Variants in BCL9L observed in about 807,000 individuals in gnomAD.
BCL9L encodes the protein B-cell CLL/lymphoma 9-like protein.
A neutral mutation model predicts 99.4 loss-of-function variants in BCL9L; 19 were observed. The observed-to-expected ratio is 0.19, with a 90% CI of 0.13 to 0.28. The LOEUF (loss-of-function observed/expected upper bound fraction) is 0.28. BCL9L is among the 10% of genes least tolerant of loss of function. The probability of loss-of-function intolerance (pLI) is 1.00; values close to 1 mark genes in which losing one functional copy is unlikely to be tolerated. For missense variants in BCL9L, 2,023 were observed against 2,101.6 expected (o/e 0.96, Z 0.73); for synonymous variants, 900 against 854.8 (o/e 1.05, Z -0.92).
rs1399337011 is a variant in BCL9L at position 118,922,707 on chromosome 11, G to T, written c.-131+2531C>A. 6.6e-6 allele frequency among the ~76,000 whole-genome samples: 1 copy of T among 152,100 alleles called. No individual in the cohort carries two copies. Among genetic ancestry groups the T allele is most frequent in the Non-Finnish European group, 1.5e-5 (1 of 67,998 alleles). On this transcript the variant is annotated intron_variant, in intron 1 of 9. Transcript: ENST00000683865. This position sits in a 1 kb window ranked among gnomAD's most constrained non-coding sequence, Gnocchi z 6.2. Reference sequence around the variant, plus strand: ...CCTTCTGCCCCCTCCCCCCATCGGAGGTCAGCACCCGGGCAGTGCCCAGGG... The same window carrying T: ...CCTTCTGCCCCCTCCCCCCATCGGATGTCAGCACCCGGGCAGTGCCCAGGG...
Position 118,902,224 on chromosome 11 carries a change from T to C in BCL9L, c.1519A>G (p.Arg507Gly). 1 of 1,613,288 alleles carries C rather than the reference T, an allele frequency of 6.2e-7. No individual in the cohort carries two copies. Among genetic ancestry groups the C allele is most frequent in the Non-Finnish European group, 8.5e-7 (1 of 1,179,488 alleles). Residue 507 changes from arginine (R) to glycine (G), a missense_variant, in exon 8 of 10, where the codon AGG becomes GGG. This residue lies in a region of BCL9L where 1,116 missense variants were observed against 1,194.6 expected (regional missense o/e 0.93). Coordinates refer to ENST00000683865, the MANE Select transcript of BCL9L (RefSeq NM_001378213.1). The surrounding 1 kb of genome is among the most constrained non-coding windows in gnomAD (Gnocchi z 7.8). ...GGCGTGAGGCTGTCCTGGCCCAGCCTCTGTATCATCATGTTCATCTGCTGC... is the reference window on the plus strand; with the variant it reads ...GGCGTGAGGCTGTCCTGGCCCAGCCCCTGTATCATCATGTTCATCTGCTGC... ...MGQQMNMMIQRLGQDSLTPEQ... is the reference protein window; with the variant it reads ...MGQQMNMMIQGLGQDSLTPEQ...
chr11:118,900,767 G>A lies in BCL9L; in HGVS notation c.2976C>T (p.Pro992=). 1.2e-6 allele frequency: 2 copies of A among 1,613,846 alleles called. No homozygotes were observed. Among genetic ancestry groups the A allele is most frequent in the Non-Finnish European group, 8.5e-7 (1 of 1,179,920 alleles). Residue 992 remains proline, a synonymous_variant, in exon 8 of 10, where the codon CCC becomes CCT. Transcript: ENST00000683865. The surrounding 1 kb of genome is among the most constrained non-coding windows in gnomAD (Gnocchi z 5.3). ...CCATGGAAGGAGACTTGAGCCTGCT[G>A]GGCGAGCCAGTGGGTGAACGGACAC... ...SLSVRSPTGS[P]SRLKSPSMAV...
rs1940184728 is a variant in BCL9L, at chr11:118,900,724, A to G, written c.3019T>C (p.Trp1007Arg). 6.2e-7 allele frequency: 1 copy of G among 1,613,916 alleles called. No individual in the cohort carries two copies. ...ATGGCCGTCTTAGGTGAGGCAACCC[A>G]GCCTGGAGAAGGCACCGCCATGGAA... ...SPSMAVPSPG[W>R]VASPKTAMPS... The change falls in exon 8 of 10, where the codon TGG becomes CGG. Residue 1007 changes from tryptophan (W) to arginine (R), a missense_variant. Coordinates refer to ENST00000683865, the MANE Select transcript of BCL9L (RefSeq NM_001378213.1). The surrounding 1 kb of genome is among the most constrained non-coding windows in gnomAD (Gnocchi z 5.3).
chr11:118,907,143 C>T (rs920905841), intron 5 of BCL9L, among the ~76,000 whole-genome samples: 7 of 152,144 alleles, frequency 4.6e-5, no homozygotes, highest in Non-Finnish European at 8.8e-5. Context: ...GCCAACTGCC[C>T]GGCTCCCAGT....
At chr11:118,918,529 G>A (rs1941042673) in intron 2 of BCL9L, among the ~76,000 whole-genome samples, 2 of 152,038 alleles carry the variant, frequency 1.3e-5, no homozygotes, top group South Asian at 4.1e-4. Flanking sequence ...GAGATCCGCT[G>A]AGATAGAGAA....
At chr11:118,915,099 A>C (rs1940924996) in intron 2 of BCL9L, among the ~76,000 whole-genome samples, 1 of 151,948 alleles carries the variant, frequency 6.6e-6, no homozygotes. Context: ...GCACCACTGC[A>C]CTCCAGCCTG....
At chr11:118,912,511 G>C (rs374685953) in intron 2 of BCL9L, among the ~76,000 whole-genome samples, 1 of 152,316 alleles carries the variant, frequency 6.6e-6, no homozygotes, top group South Asian at 2.1e-4. Flanking sequence ...CGCGAGGGTA[G>C]GAGCTAGCAG....
At chr11:118,913,923 G>C (rs1940886200) in intron 2 of BCL9L, among the ~76,000 whole-genome samples, 2 of 152,178 alleles carry the variant, frequency 1.3e-5, no homozygotes, top group African/African-American at 4.8e-5. Context: ...TCACAGGAAG[G>C]AAAGGAGCTC....
Position 118,903,316 on chromosome 11 carries a change from C to T in BCL9L, c.669G>A (p.Gly223=). 6.3e-7 allele frequency: 1 copy of T among 1,582,998 alleles called. No individual in the cohort carries two copies. Among genetic ancestry groups the T allele is most frequent in the Non-Finnish European group, 8.6e-7 (1 of 1,165,918 alleles). ...GGACGCCCCCGCCCCCGCCCCCGCC[C>T]CCAGGGGCATCAGGCCGAAGGCCAG... ...PPPGLRPDAP[G]GGGGGGGVPG... Residue 223 remains glycine (G), a synonymous_variant, in exon 6 of 10, where the codon GGG becomes GGA. Coordinates refer to ENST00000683865, the MANE Select transcript of BCL9L (RefSeq NM_001378213.1). The surrounding 1 kb of genome is among the most constrained non-coding windows in gnomAD (Gnocchi z 5.6).
At chr11:118,912,452 G>T (rs996244289) in intron 2 of BCL9L, among the ~76,000 whole-genome samples, 12 of 152,052 alleles carry the variant, frequency 7.9e-5, no homozygotes, top group Non-Finnish European at 1.5e-4. Flanking sequence ...CGGAAGAGGC[G>T]GCTTGACAAA....
In BCL9L at chr11:118,907,346, GAC is replaced by G; in HGVS notation, c.532+135_532+136del. The G allele has an allele frequency of 2.8e-6, 4 of 1,436,066 alleles. No individual in the cohort carries two copies. The Admixed American group carries it at 7.2e-5, about 26-fold the overall frequency. 89.0% of individuals were successfully genotyped at this position (1,436,066 alleles called of 1,614,324 possible). On this transcript the variant is annotated intron_variant, in intron 5 of 9. Transcript: ENST00000683865. ...GCGAGGCAGTTGCAGTGTAGGGAGG[GAC>G]AGAGTCTGAGAGGTAGGATGGGAGA...
chr11:118,920,980 C>T (rs1245349485), intron 1 of BCL9L, among the ~76,000 whole-genome samples: 1 of 152,188 alleles, frequency 6.6e-6, no homozygotes, highest in Non-Finnish European at 1.5e-5. Flanking sequence ...TGTGTGCCCG[C>T]ACACGCACAT....
chr11:118,901,874 C>A lies in BCL9L; in HGVS notation c.1869G>T (p.Glu623Asp), dbSNP rs769036488. Residue 623 changes from glutamate to aspartate, a missense_variant, in exon 8 of 10, where the codon GAG becomes GAT. By Grantham distance (45) the Glu-to-Asp change is conservative. Transcript: ENST00000683865. This position sits in a 1 kb window ranked among gnomAD's most constrained non-coding sequence, Gnocchi z 6.6. ...GCCTCTGCATGGCATTCATGGGCACCTCCATGGGCATACTCTGCATGCCCC... is the reference window on the plus strand; with the variant it reads ...GCCTCTGCATGGCATTCATGGGCACATCCATGGGCATACTCTGCATGCCCC... ...GFGGMQSMPMEVPMNAMQRPV... is the reference protein window; with the variant it reads ...GFGGMQSMPMDVPMNAMQRPV... 2.5e-6 allele frequency: 4 copies of A among 1,612,636 alleles called. No individual in the cohort carries two copies. In the South Asian group the frequency reaches 4.4e-5, roughly 18 times the overall value.
At position 118,901,215 on chromosome 11, in the gene BCL9L, T is replaced by C. The variant is rs1591978643; in HGVS notation, c.2528A>G (p.Asn843Ser). 6.2e-7 allele frequency: 1 copy of C among 1,613,740 alleles called. No individual in the cohort carries two copies. The highest frequency in any genetic ancestry group is 1.7e-5 in the Admixed American group (1 of 59,994). ...QKMLMPSQFP[N>S]QGQQGFSGGQ... ...TCCAGAGAATCCCTGCTGGCCCTGGTTGGGAAACTGTGAAGGCATCAGCAT... is the reference window on the plus strand; with the variant it reads ...TCCAGAGAATCCCTGCTGGCCCTGGCTGGGAAACTGTGAAGGCATCAGCAT... The change falls in exon 8 of 10, where the codon AAC (asparagine) becomes AGC (serine). Residue 843 changes from asparagine to serine, a missense_variant. By Grantham distance (46) the Asn-to-Ser change is conservative (BLOSUM62 1). Around this residue, in one of 3 missense-constraint regions of BCL9L, gnomAD observed 1,116 missense variants for 1,194.6 expected, o/e 0.93. Transcript: ENST00000683865. This position sits in a 1 kb window ranked among gnomAD's most constrained non-coding sequence, Gnocchi z 6.6.
chr11:118,901,779 T>C lies in BCL9L; in HGVS notation c.1964A>G (p.Asn655Ser), dbSNP rs1443211613. Residue 655 changes from asparagine (N) to serine (S), a missense_variant, in exon 8 of 10, where the codon AAC becomes AGC. Physicochemically the swap from Asn to Ser is conservative, Grantham distance 46. Around this residue, in one of 3 missense-constraint regions of BCL9L, gnomAD observed 1,116 missense variants for 1,194.6 expected, o/e 0.93. Transcript: ENST00000683865. The surrounding 1 kb of genome is among the most constrained non-coding windows in gnomAD (Gnocchi z 6.6). ...PMGGPSNFAQ[N>S]TMPYPGGQGE... ...CTGCCCACCTGGGTAGGGCATGGTG[T>C]TCTGGGCAAAATTGCTGGGTCCCCC... The C allele has an allele frequency of 1.1e-5, 17 of 1,611,142 alleles. No homozygotes were observed. The highest frequency in any genetic ancestry group is 1.7e-5 in the Admixed American group (1 of 59,940).
intron 1 of BCL9L, among the ~76,000 whole-genome samples, chr11:118,923,249 T>G (rs1444352319): frequency 6.6e-6 from 1 of 152,120 alleles, no homozygotes; most frequent in Non-Finnish European, 1.5e-5. Context: ...TCCTTTAATC[T>G]AAAGCAGGTG....
Position 118,921,746 on chromosome 11 carries a change from T to G in BCL9L, c.-130-2867A>C, listed in dbSNP as rs529401757. Among the ~76,000 whole-genome samples the G allele has an allele frequency of 6.6e-6, 1 of 151,826 alleles. No individual in the cohort carries two copies. The highest frequency in any genetic ancestry group is 1.5e-5 in the Non-Finnish European group (1 of 67,912). ...GGGAAGCCGCCCCTCCCCCTTGGCA[T>G]GGAGAATCAGAGGGAACCTGTCTGT... On this transcript the variant is annotated intron_variant, in intron 1 of 9. Transcript: ENST00000683865. This position sits in a 1 kb window ranked among gnomAD's most constrained non-coding sequence, Gnocchi z 5.4.
rs192218122 is a variant in BCL9L, at chr11:118,923,193, G to A, written c.-131+2045C>T. ...CTCCTGGGCTCCATGGAGCTCCATC[G>A]CAGTCACTCCCCTGATAGGCAGGCA... On this transcript the variant is annotated intron_variant, in intron 1 of 9. Coordinates refer to ENST00000683865, the MANE Select transcript of BCL9L (RefSeq NM_001378213.1). 9.1e-4 allele frequency among the ~76,000 whole-genome samples: 139 copies of A among 152,198 alleles called. 1 individual carries two copies. Among genetic ancestry groups the A allele is most frequent in the African/African-American group, 2.9e-3 (119 of 41,518 alleles).
rs776361743 is a variant in BCL9L at position 118,903,294 on chromosome 11, C to T, written c.691G>A (p.Val231Ile). 1.5e-5 allele frequency: 23 copies of T among 1,557,672 alleles called. No individual in the cohort carries two copies. The highest frequency in any genetic ancestry group is 4.7e-5 in the East Asian group (2 of 42,546). Reference sequence around the variant, plus strand: ...AACTGCGAGGGAGGCTTTCCGGGGACGCCCCCGCCCCCGCCCCCGCCCCCA... The same window carrying T: ...AACTGCGAGGGAGGCTTTCCGGGGATGCCCCCGCCCCCGCCCCCGCCCCCA... ...APGGGGGGGG[V>I]PGKPPSQFVY... Residue 231 changes from valine (V) to isoleucine (I), a missense_variant, in exon 6 of 10, where the codon GTC (valine) becomes ATC (isoleucine). Val to Ile is a conservative substitution (Grantham distance 29). This residue lies in a region of BCL9L where 1,116 missense variants were observed against 1,194.6 expected (regional missense o/e 0.93). Coordinates refer to ENST00000683865, the MANE Select transcript of BCL9L (RefSeq NM_001378213.1). This position sits in a 1 kb window ranked among gnomAD's most constrained non-coding sequence, Gnocchi z 5.6.
Sources: allele counts gnomAD v4.1 joint callset (sites outside exome capture counted in the v4.1 genomes callset), GRCh38; gene constraint gnomAD v4.1.1; regional missense constraint gnomAD v4.1.1; non-coding constraint Gnocchi (gnomAD v3.1); transcripts MANE v1.5; gene names NCBI Gene and HGNC (gene_info 2026-07-23, HGNC 2026-07-21).